TSEN15: variants seen among roughly 807,000 people sequenced by gnomAD.
TSEN15 encodes the protein tRNA splicing endonuclease subunit 15, also known as tRNA-splicing endonuclease subunit Sen15.
A neutral mutation model predicts 20.5 loss-of-function variants in TSEN15; 10 were observed. That is an observed-to-expected ratio of 0.49 (90% confidence interval 0.30 to 0.83). The LOEUF is 0.83. TSEN15 is among the 40% of genes least tolerant of loss of function. TSEN15 has a pLI of 0.06. For missense variants in TSEN15, 180 were observed against 218.6 expected (o/e 0.82, Z 1.11); for synonymous variants, 72 against 80.1 (o/e 0.90, Z 0.54).
At chr1:184,059,479 T>C (rs745573682) in intron 3 of TSEN15, among the ~76,000 whole-genome samples, 16 of 152,212 alleles carry the variant, frequency 1.1e-4, no homozygotes, top group Non-Finnish European at 2.4e-4. Flanking sequence ...TTTTTGCTAT[T>C]ACTAATGGTA....
At chr1:184,088,567 G>GA (rs1296831625) in intron 3 of TSEN15, among the ~76,000 whole-genome samples, 1 of 146,178 alleles carries the variant, frequency 6.8e-6, no homozygotes, top group East Asian at 2.0e-4. Context: ...TGTCAGTGAA[G>GA]AAAAAAATGT....
At chr1:184,082,423 C>A (rs145473238) in intron 3 of TSEN15, among the ~76,000 whole-genome samples, 2 of 152,250 alleles carry the variant, frequency 1.3e-5, no homozygotes, top group East Asian at 3.9e-4. Context: ...TCTCTGCTGT[C>A]TTCATAGCAT....
At chr1:184,077,257 C>A (rs948348124), downstream of TSEN15, among the ~76,000 whole-genome samples, 1 of 152,130 alleles carries the variant, frequency 6.6e-6, no homozygotes, top group Non-Finnish European at 1.5e-5. Flanking sequence ...CCAATCTACT[C>A]TACTTATACT....
intron 3 of TSEN15, among the ~76,000 whole-genome samples, chr1:184,088,723 T>C (rs1345199390): frequency 7.5e-6 from 1 of 132,928 alleles, no homozygotes; most frequent in East Asian, 2.0e-4. Flanking sequence ...TCAGTGCTCA[T>C]CTGGGTTGTT....
chr1:184,088,897 C>CT (rs1651310976), intron 3 of TSEN15, among the ~76,000 whole-genome samples: 1 of 152,140 alleles, frequency 6.6e-6, no homozygotes. Context: ...TGTCTGCCCA[C>CT]TGCCTCTTCC....
intron 3 of TSEN15, 200 bp downstream of exon 3, chr1:184,055,063 ATTTCTT>A: frequency 2.4e-6 from 1 of 408,962 alleles, no homozygotes; most frequent in Non-Finnish European, 3.7e-6. Flanking sequence ...AGACTGAGTA[ATTTCTT>A]AAAAAAAAAA....
At chr1:184,065,080 G>C (rs532982595) in intron 3 of TSEN15, among the ~76,000 whole-genome samples, 1 of 152,046 alleles carries the variant, frequency 6.6e-6, no homozygotes, top group East Asian at 1.9e-4. Context: ...ATCTTGATTT[G>C]CTCCTATACT....
At chr1:184,074,250 AAAT>A (rs1651011950), downstream of TSEN15, 1 of 152,208 alleles carries the variant, frequency 6.6e-6, no homozygotes, top group South Asian at 2.1e-4. Context: ...TATCATTGCA[AAAT>A]AATATTACCA....
chr1:184,092,264 C>T (rs1371730364), intron 3 of TSEN15, among the ~76,000 whole-genome samples: 2 of 152,182 alleles, frequency 1.3e-5, no homozygotes, highest in Non-Finnish European at 2.9e-5. Context: ...CATTATTGTT[C>T]TCAACCCATA....
intron 3 of TSEN15, among the ~76,000 whole-genome samples, chr1:184,055,371 C>T (rs1163375096): frequency 6.6e-6 from 1 of 152,184 alleles, no homozygotes; most frequent in Non-Finnish European, 1.5e-5. Flanking sequence ...CCACCTCCAA[C>T]ATTGGGGATT....
At chr1:184,096,093 T>A (rs762423798) in exon 4 of TSEN15, 2 of 220,440 alleles carry the variant, frequency 9.1e-6, no homozygotes, top group Non-Finnish European at 1.8e-5. Context: ...GAGCTTCTGA[T>A]GAGAAATTGA....
At position 184,051,809 on chromosome 1, in the gene TSEN15, G is replaced by GGAC. The variant is rs1306862895; in HGVS notation, c.55_56insACG (p.Pro18_Gly19insAsp). On this transcript the variant is annotated inframe_insertion, in exon 1 of 5. Transcript: ENST00000645668. ...CCCCCGGCTGCAGCGGCCTGGGTCCGGGCGGTGTTCGCGGCTTTGGCGACG... is the reference window on the plus strand; with the variant it reads ...CCCCCGGCTGCAGCGGCCTGGGTCCGGACGGCGGTGTTCGCGGCTTTGGCGACG... 6.5e-6 allele frequency: 10 copies of GGAC among 1,540,724 alleles called. No homozygotes were observed. The highest frequency in any genetic ancestry group is 8.7e-6 in the Non-Finnish European group (10 of 1,143,780).
At chr1:184,095,555 C>CT (rs1332247122) in intron 3 of TSEN15, 1 of 393,876 alleles carries the variant, frequency 2.5e-6, no homozygotes, top group South Asian at 1.4e-4. Context: ...GAGAGTGGGG[C>CT]CTTAATCCAA....
chr1:184,065,519 C>T (rs1650621896), intron 3 of TSEN15, among the ~76,000 whole-genome samples: 1 of 152,160 alleles, frequency 6.6e-6, no homozygotes, highest in South Asian at 2.1e-4. Context: ...TTATTCATCC[C>T]TTTCTTCACC....
At chr1:184,091,295 AT>A (rs1436079704) in intron 3 of TSEN15, among the ~76,000 whole-genome samples, 3 of 152,216 alleles carry the variant, frequency 2.0e-5, no homozygotes, top group Non-Finnish European at 4.4e-5. Flanking sequence ...CAAGTCACTT[AT>A]CCTCTCTGAG....
chr1:184,075,910 A>ATATATATATATATATATATATATATATTT (rs760409158), downstream of TSEN15, among the ~76,000 whole-genome samples: 1 of 123,734 alleles, frequency 8.1e-6, no homozygotes. Flanking sequence ...ATATATATAT[A>ATATATATATATATATATATATATATATTT]TTTTTTTTTT....
At chr1:184,079,002 T>C (rs1486287323), downstream of TSEN15, among the ~76,000 whole-genome samples, 4 of 152,186 alleles carry the variant, frequency 2.6e-5, no homozygotes, top group African/African-American at 9.6e-5. Context: ...AGAAGCTCTT[T>C]ATTCATCTGC....
intron 3 of TSEN15, 200 bp from the exon 4 acceptor site, chr1:184,071,957 G>T (rs1352146224): frequency 2.2e-6 from 1 of 464,628 alleles, no homozygotes; most frequent in Non-Finnish European, 3.7e-6. Context: ...TTCCTTCTGT[G>T]ATTCCAATTA....
At chr1:184,067,514 A>C (rs1429520405) in intron 3 of TSEN15, among the ~76,000 whole-genome samples, 1 of 152,164 alleles carries the variant, frequency 6.6e-6, no homozygotes, top group African/African-American at 2.4e-5. Context: ...AGATTGGGTA[A>C]GCTATCTTAG....
Sources: gnomAD v4.1 joint callset for allele counts (sites outside exome capture counted in the v4.1 genomes callset) on GRCh38, gnomAD v4.1.1 for gene constraint, MANE v1.5 for transcripts, NCBI Gene and HGNC (gene_info 2026-07-23, HGNC 2026-07-21) for gene names.